The following RTEL1 variants were observed in gnomAD, a reference collection of about 807,000 sequenced individuals.
RTEL1 encodes regulator of telomere length.
In RTEL1, 86 loss-of-function variants were observed where a neutral mutation model predicts 162.2. The ratio of observed to expected loss-of-function variants is 0.53; its 90% CI spans 0.45 to 0.63. The LOEUF (loss-of-function observed/expected upper bound fraction) is 0.63. RTEL1 is among the 30% of genes least tolerant of loss of function. The probability of loss-of-function intolerance (pLI) is 0.00; values close to 1 mark genes in which losing one functional copy is unlikely to be tolerated. For missense variants in RTEL1, 1,941 were observed against 1,750.2 expected, an observed-to-expected ratio of 1.11 and a Z score of -1.95; for synonymous variants, 958 against 717.9, an observed-to-expected ratio of 1.33 and a Z score of -5.35.
chr20:63,662,382 C>G (rs534337623), intron 4 of RTEL1, 164 bp from the exon 5 acceptor site: 2 of 1,429,586 alleles, frequency 1.4e-6, no homozygotes, highest in Non-Finnish European at 9.6e-7. Context: ...CCAGTACCCC[C>G]GCTCGTCTTC....
At chr20:63,657,997 C>T (rs1271091658), upstream of RTEL1, 1 of 152,334 alleles carries the variant, frequency 6.6e-6, no homozygotes, top group East Asian at 1.9e-4. Context: ...AAGCGGTCGG[C>T]TCACACTCGA....
intron 14 of RTEL1, among the ~76,000 whole-genome samples, chr20:63,683,527 C>T (rs1421485780): frequency 2.0e-5 from 3 of 152,242 alleles, no homozygotes; most frequent in East Asian, 1.9e-4. Context: ...CACGCACGCA[C>T]GCCTGCACAA....
rs1193975279 is a variant in RTEL1, at chr20:63,694,945, C to G, written c.3314C>G (p.Ala1105Gly). Residue 1105 changes from alanine (A) to glycine (G), a missense_variant, in exon 32 of 35, where the codon GCA becomes GGA. Transcript: ENST00000360203. ...GCTGTGTTGGCCGCCCTGACCACTG[C>G]AAAGCCAGAGGACTTCCCCCTGCTG... ...VLAVLAALTT[A>G]KPEDFPLLHR... is the part of the protein sequence containing the mutation. 13 of 1,612,562 alleles carry G rather than the reference C, an allele frequency of 8.1e-6. No homozygotes were observed. The highest frequency in any genetic ancestry group is 1.7e-4 in the Middle Eastern group (1 of 6,060).
chr20:63,678,253 C>T lies in RTEL1; in HGVS notation c.959-15C>T. The T allele has an allele frequency of 6.2e-7, 1 of 1,612,654 alleles. No homozygotes were observed. The highest frequency in any genetic ancestry group is 1.7e-4 in the Middle Eastern group (1 of 6,054). ...CTCCTTGCGAGGAGGTGGGTGACAC[C>T]TCCTCGACCCACAGTGATCCTGCTG... On this transcript the variant is annotated splice_polypyrimidine_tract_variant and intron_variant, in intron 11 of 34. Coordinates refer to ENST00000360203, the MANE Select transcript of RTEL1 (RefSeq NM_001283009.2).
chr20:63,674,121 C>G (rs758106918), intron 10 of RTEL1, 28 bp downstream of exon 10: 1 of 1,586,522 alleles, frequency 6.3e-7, no homozygotes, highest in Admixed American at 1.7e-5. Flanking sequence ...CTGCTTGGTC[C>G]TGAGGCCTGC....
At position 63,679,775 on chromosome 20, in the gene RTEL1, T is replaced by G. The variant is rs2297439; in HGVS notation, c.1038-74T>G. On this transcript the variant is annotated intron_variant, in intron 12 of 34. Coordinates refer to ENST00000360203, the MANE Select transcript of RTEL1 (RefSeq NM_001283009.2). ...GTCCCCCCTCAGGCCCGAGCCTGCC[T>G]TCTTCTCCTCAGTTCCCAAAGCTGC... The G allele has an allele frequency of 0.087, 102,332 of 1,182,438 alleles. 6,086 individuals are homozygous for G. The highest frequency in any genetic ancestry group is 0.24 in the South Asian group (19,342 of 82,076). The allele number at this position is 1,182,438 out of a possible 1,614,324, so 73.2% of individuals were successfully genotyped here. A position where few individuals can be genotyped will look rare whatever the true frequency, so the allele number is the denominator to read the frequency against.
intron 21 of RTEL1, 110 bp from the exon 22 acceptor site, chr20:63,688,944 TC>T: frequency 1.0e-6 from 1 of 987,758 alleles, no homozygotes; most frequent in South Asian, 1.4e-5. Context: ...CGATTGGCCT[TC>T]CTGGCTAGGA....
chr20:63,662,305 C>G (rs1159863606), intron 4 of RTEL1: 4 of 717,400 alleles, frequency 5.6e-6, no homozygotes, highest in Non-Finnish European at 9.6e-6. Context: ...TCTTGGTGTT[C>G]TGTCGGGTTC....
At position 63,666,017 on chromosome 20, in the gene RTEL1, G is replaced by A; in HGVS notation, c.552G>A (p.Glu184=). The change falls in exon 7 of 35, where the codon GAG becomes GAA. Residue 184 remains glutamate (E), a synonymous_variant. Transcript: ENST00000360203. Reference sequence around the variant, plus strand: ...TCACACCTGCAGAAAAAAGCCTGGAGCAGGAGCTGGCCAGCCCCATCCTGG... The same window carrying A: ...TCACACCTGCAGAAAAAAGCCTGGAACAGGAGCTGGCCAGCCCCATCCTGG... ...FYNNVEEKSL[E]QELASPILDI... 6.2e-7 allele frequency: 1 copy of A among 1,614,110 alleles called. No individual in the cohort carries two copies. The highest frequency in any genetic ancestry group is 8.5e-7 in the Non-Finnish European group (1 of 1,179,994).
At chr20:63,662,449 G>T in intron 4 of RTEL1, 97 bp from the exon 5 acceptor site, 3 of 1,576,406 alleles carry the variant, frequency 1.9e-6, no homozygotes, top group Non-Finnish European at 2.6e-6. Flanking sequence ...TCTGACCGCC[G>T]AGGCTCCTGC....
At chr20:63,684,738 G>A (rs186829952) in intron 14 of RTEL1, among the ~76,000 whole-genome samples, 2 of 151,936 alleles carry the variant, frequency 1.3e-5, no homozygotes, top group East Asian at 1.9e-4. Context: ...CTCCCAGAGT[G>A]CTGGGATTAC....
chr20:63,687,464 C>G (rs2090622293), intron 16 of RTEL1, 174 bp from the exon 17 acceptor site: 2 of 741,036 alleles, frequency 2.7e-6, no homozygotes, highest in Non-Finnish European at 4.2e-6. Context: ...CTGGCAGGCT[C>G]ACACTCAGGG....
intron 10 of RTEL1, among the ~76,000 whole-genome samples, chr20:63,677,001 C>T (rs6089763): frequency 0.12 from 18,719 of 152,184 alleles, 1,485 homozygotes; most frequent in East Asian, 0.31. Context: ...TTGGTCCTGC[C>T]CCATGCTCCC....
chr20:63,659,356 A>G lies in RTEL1; in HGVS notation c.-47A>G. 1 of 1,424,746 alleles carries G rather than the reference A, an allele frequency of 7.0e-7. No homozygotes were observed. The highest frequency in any genetic ancestry group is 9.9e-7 in the Non-Finnish European group (1 of 1,008,068). The allele number at this position is 1,424,746 out of a possible 1,614,324, so 88.3% of individuals were successfully genotyped here. Reference sequence around the variant, plus strand: ...GTGGTTTTTTCGCACAGACCCGAATAGCCTGCCCCTCAGCCACGCTCTGTG... The same window carrying G: ...GTGGTTTTTTCGCACAGACCCGAATGGCCTGCCCCTCAGCCACGCTCTGTG... On this transcript the variant is annotated 5_prime_UTR_variant, in exon 2 of 35. It adds an upstream start codon to the 5' untranslated region. Coordinates refer to ENST00000360203, the MANE Select transcript of RTEL1 (RefSeq NM_001283009.2).
chr20:63,675,076 T>C (rs2090321912), intron 10 of RTEL1, among the ~76,000 whole-genome samples: 2 of 152,060 alleles, frequency 1.3e-5, no homozygotes, highest in African/African-American at 4.8e-5. Context: ...CCCAGCTAAT[T>C]TTGTATTTTT....
intron 27 of RTEL1, among the ~76,000 whole-genome samples, chr20:63,691,187 C>T (rs2090732549): frequency 6.6e-6 from 1 of 152,086 alleles, no homozygotes; most frequent in African/African-American, 2.4e-5. Context: ...CGGGTGCCCC[C>T]CACATCACTT....
At chr20:63,682,121 G>T in intron 14 of RTEL1, 1 of 985,426 alleles carries the variant, frequency 1.0e-6, no homozygotes, top group Non-Finnish European at 1.2e-6. Context: ...AGCTTCCCAG[G>T]CTCCCACTTA....
At position 63,687,708 on chromosome 20, in the gene RTEL1, C is replaced by T; in HGVS notation, c.1419C>T (p.Arg473=). 1.2e-6 allele frequency: 2 copies of T among 1,604,452 alleles called. No homozygotes were observed. Among genetic ancestry groups the T allele is most frequent in the Non-Finnish European group, 8.5e-7 (1 of 1,177,126 alleles). The part of the protein sequence containing the change: ...SMHELVRQGV[R]SLILTSGTLA... ...ACGAGCTGGTCCGCCAGGGCGTCCG[C>T]TCCCTCATCCTTACCAGCGGCACGC... The change falls in exon 17 of 35, where the codon CGC becomes CGT. Residue 473 remains arginine, a synonymous_variant. Transcript: ENST00000360203.
intron 14 of RTEL1, 23 bp downstream of exon 14, chr20:63,680,742 A>G (rs1024985716): frequency 1.7e-5 from 28 of 1,613,050 alleles, no homozygotes; most frequent in Non-Finnish European, 2.4e-5. Context: ...CCTCTGTGGC[A>G]TCTCCTTCCC....
Sources: gnomAD v4.1 joint callset for allele counts (sites outside exome capture counted in the v4.1 genomes callset) on GRCh38, gnomAD v4.1.1 for gene constraint, MANE v1.5 for transcripts, NCBI Gene and HGNC (gene_info 2026-07-23, HGNC 2026-07-21) for gene names.